BCAR3: variants seen among roughly 807,000 people sequenced by gnomAD.
BCAR3 encodes breast cancer anti-estrogen resistance protein 3.
BCAR3 carries 37 observed loss-of-function variants against 80.1 expected under a neutral mutation model. That is an observed-to-expected ratio of 0.46 (90% CI 0.36 to 0.61). BCAR3 has a LOEUF of 0.61. Among genes scored for constraint, BCAR3 ranks in the 20% least tolerant of loss-of-function variants. The pLI, the probability that BCAR3 is intolerant of heterozygous loss-of-function variation, is 0.00. For synonymous variants in BCAR3, 389 were observed against 418.9 expected, an observed-to-expected ratio of 0.93 and a Z score of 0.87; for missense variants, 978 against 1,068.2, an observed-to-expected ratio of 0.92 and a Z score of 1.18.
intron 3 of BCAR3, among the ~76,000 whole-genome samples, chr1:93,701,506 ATAT>A (rs1182494487): frequency 6.6e-6 from 1 of 152,210 alleles, no homozygotes; most frequent in Non-Finnish European, 1.5e-5. Context: ...TCACAATGAC[ATAT>A]TATTATTTTG....
intron 2 of BCAR3, among the ~76,000 whole-genome samples, chr1:93,821,144 T>C (rs1654204143): frequency 6.6e-6 from 1 of 152,156 alleles, no homozygotes; most frequent in East Asian, 1.9e-4. Flanking sequence ...GACCTTCAAA[T>C]CATCATTTGC....
chr1:93,608,920 A>G (rs1423837489), intron 3 of BCAR3, among the ~76,000 whole-genome samples: 1 of 152,202 alleles, frequency 6.6e-6, no homozygotes, highest in Non-Finnish European at 1.5e-5. Flanking sequence ...GCTCGTGCTG[A>G]TGGTGCATCT....
intron 2 of BCAR3, among the ~76,000 whole-genome samples, chr1:93,759,766 C>T (rs1229688616): frequency 6.6e-6 from 1 of 152,154 alleles, no homozygotes; most frequent in African/African-American, 2.4e-5. Context: ...GCCATGAGCA[C>T]ACCAGAAAGC....
rs1312971427 is a variant in BCAR3, at chr1:93,562,500, T to C, written c.2300-81A>G. 3 of 1,371,938 alleles carry C rather than the reference T, an allele frequency of 2.2e-6. No homozygotes were observed. The African/African-American group carries it at 4.3e-5, about 20-fold the overall frequency. The allele number at this position is 1,371,938 out of a possible 1,614,324, so 85.0% of individuals were successfully genotyped here. ...AATAGACTGAAAGCACCAGGCGCGGTGGCTCACGCCTGTAATCCCAGCACT... is the reference window on the plus strand; with the variant it reads ...AATAGACTGAAAGCACCAGGCGCGGCGGCTCACGCCTGTAATCCCAGCACT... On this transcript the variant is annotated intron_variant, in intron 11 of 11. Transcript: ENST00000260502.
At chr1:93,663,607 C>G (rs560554480) in intron 2 of BCAR3, among the ~76,000 whole-genome samples, 67 of 152,310 alleles carry the variant, frequency 4.4e-4, no homozygotes, top group African/African-American at 1.5e-3. Flanking sequence ...AGATGGAGAA[C>G]AGGTGCTGCT....
At chr1:93,595,729 T>C (rs1387895203) in intron 3 of BCAR3, among the ~76,000 whole-genome samples, 2 of 152,220 alleles carry the variant, frequency 1.3e-5, no homozygotes, top group Non-Finnish European at 2.9e-5. Context: ...TAGTGAGAGG[T>C]GACCATATAA....
intron 3 of BCAR3, among the ~76,000 whole-genome samples, chr1:93,702,550 G>C (rs1450322223): frequency 6.6e-6 from 1 of 152,166 alleles, no homozygotes; most frequent in Non-Finnish European, 1.5e-5. Flanking sequence ...AGGCCCAGGT[G>C]GGGGTGGGGA....
At chr1:93,787,476 T>C (rs1440630166) in intron 2 of BCAR3, among the ~76,000 whole-genome samples, 2 of 152,214 alleles carry the variant, frequency 1.3e-5, no homozygotes, top group African/African-American at 4.8e-5. Context: ...TTAGCACCAC[T>C]TTTGCTGTTT....
chr1:93,777,387 TTCCTCTTCTTCCTCTTCCTCC>T (rs1359801296), intron 2 of BCAR3, among the ~76,000 whole-genome samples: 1 of 133,590 alleles, frequency 7.5e-6, no homozygotes, highest in African/African-American at 3.4e-5. Flanking sequence ...CCTCTTCTTC[TTCCTCTTCTTCCTCTTCCTCC>T]TCCTCTTCCT....
rs550603084 is a variant in BCAR3, at chr1:93,712,985, C to T, written c.-62-6843G>A. Among the ~76,000 whole-genome samples the T allele has an allele frequency of 3.9e-5, 6 of 152,326 alleles. No homozygotes were observed. The East Asian group carries it at 1.2e-3, about 29-fold the overall frequency. On this transcript the variant is annotated intron_variant, in intron 2 of 13. Transcript: ENST00000370244. ...TCAAAATTACCACCTTCATCCTCAG[C>T]TTTCATCTTCCTTTTTCTCTAGGGC...
At chr1:93,641,429 A>C (rs1479504306) in intron 3 of BCAR3, among the ~76,000 whole-genome samples, 3 of 152,222 alleles carry the variant, frequency 2.0e-5, no homozygotes, top group African/African-American at 7.2e-5. Flanking sequence ...GATTTCTCCC[A>C]AAAAATAAGT....
At chr1:93,840,240 T>G (rs916594648) in intron 2 of BCAR3, among the ~76,000 whole-genome samples, 1 of 152,172 alleles carries the variant, frequency 6.6e-6, no homozygotes, top group Non-Finnish European at 1.5e-5. Flanking sequence ...GAGAAACTGC[T>G]GTAGTCCAGG....
At chr1:93,688,454 C>G (rs2101961691) in intron 3 of BCAR3, among the ~76,000 whole-genome samples, 1 of 151,874 alleles carries the variant, frequency 6.6e-6, no homozygotes, top group Admixed American at 6.6e-5. Context: ...TTCAACAATT[C>G]AAAGAAATAC....
chr1:93,637,526 G>C (rs898337285), intron 3 of BCAR3, among the ~76,000 whole-genome samples: 1 of 152,070 alleles, frequency 6.6e-6, no homozygotes, highest in South Asian at 2.1e-4. Flanking sequence ...CAGTTCCAGG[G>C]GAAAATAAAA....
In BCAR3 at chr1:93,571,653, A is replaced by G. The variant is rs756380048; in HGVS notation, c.1974+17T>C. ...TTTACAGAACATTAAGTACACATAA[A>G]GTAATTGGAAATTTACCTGTGGCAT... is the stretch of plus-strand genomic sequence containing the variant. On this transcript the variant is annotated intron_variant, in intron 9 of 11. Coordinates refer to ENST00000260502, the MANE Select transcript of BCAR3 (RefSeq NM_003567.4). 1 of 1,613,224 alleles carries G rather than the reference A, an allele frequency of 6.2e-7. No individual in the cohort carries two copies. Among genetic ancestry groups the G allele is most frequent in the Non-Finnish European group, 8.5e-7 (1 of 1,179,114 alleles).
At chr1:93,775,540 G>A (rs1395421977) in intron 2 of BCAR3, 1 of 152,178 alleles carries the variant, frequency 6.6e-6, no homozygotes, top group Non-Finnish European at 1.5e-5. Flanking sequence ...TTTTTTAAGA[G>A]ATGCATATTT....
chr1:93,644,497 T>C (rs1676091031), intron 2 of BCAR3, among the ~76,000 whole-genome samples: 1 of 152,204 alleles, frequency 6.6e-6, no homozygotes, highest in Non-Finnish European at 1.5e-5. Flanking sequence ...TTCTTAAAAG[T>C]ATTTGATTGA....
chr1:93,676,989 C>T (rs1371502946), intron 1 of BCAR3, among the ~76,000 whole-genome samples: 1 of 152,236 alleles, frequency 6.6e-6, no homozygotes, highest in Non-Finnish European at 1.5e-5. Flanking sequence ...ACCAACACCT[C>T]AATTTATTCT....
chr1:93,626,073 T>C (rs890336302), intron 3 of BCAR3, among the ~76,000 whole-genome samples: 5 of 152,194 alleles, frequency 3.3e-5, no homozygotes, highest in African/African-American at 4.8e-5. Flanking sequence ...TTATAGTATA[T>C]GATGAGCAAC....
Sources: gnomAD v4.1 joint callset for allele counts (sites outside exome capture counted in the v4.1 genomes callset) on GRCh38, gnomAD v4.1.1 for gene constraint, MANE v1.5 for transcripts, NCBI Gene and HGNC (gene_info 2026-07-23, HGNC 2026-07-21) for gene names.